ZNF827: variants seen among roughly 807,000 people sequenced by gnomAD.
ZNF827 encodes zinc finger protein 827.
A neutral mutation model predicts 102.4 loss-of-function variants in ZNF827; 13 were observed. The observed-to-expected ratio is 0.13, with a 90% confidence interval of 0.08 to 0.20. The LOEUF is 0.20. ZNF827 is among the 10% of genes least tolerant of loss of function. ZNF827 has a pLI of 1.00. For synonymous variants in ZNF827, 523 were observed against 536.2 expected, an observed-to-expected ratio of 0.98 and a Z score of 0.34; for missense variants, 1,103 against 1,344.4, an observed-to-expected ratio of 0.82 and a Z score of 2.81.
At chr4:145,810,264 G>C (rs1301297355) in intron 8 of ZNF827, among the ~76,000 whole-genome samples, 1 of 152,092 alleles carries the variant, frequency 6.6e-6, no homozygotes, top group African/African-American at 2.4e-5. Flanking sequence ...CTGGTTAGGG[G>C]AGCTTACTGA....
intron 4 of ZNF827, 115 bp from the exon 5 acceptor site, chr4:145,870,593 G>C (rs1018787436): frequency 1.1e-6 from 1 of 890,950 alleles, no homozygotes; most frequent in Non-Finnish European, 1.7e-6. Flanking sequence ...CAACCGGAGG[G>C]ATCACAACCT....
intron 8 of ZNF827, among the ~76,000 whole-genome samples, chr4:145,799,603 C>T (rs1740688413): frequency 6.6e-6 from 1 of 152,170 alleles, no homozygotes; most frequent in Admixed American, 6.5e-5. Flanking sequence ...AGCTGCCCTC[C>T]AACATCCATA....
At chr4:145,937,221 C>T (rs1310549512) in intron 1 of ZNF827, among the ~76,000 whole-genome samples, 1 of 150,842 alleles carries the variant, frequency 6.6e-6, no homozygotes, top group Admixed American at 6.6e-5. Flanking sequence ...GGAGAGGGAC[C>T]GGGGGCGCGG....
At chr4:145,919,852 T>C (rs1291915803) in intron 1 of ZNF827, among the ~76,000 whole-genome samples, 3 of 152,164 alleles carry the variant, frequency 2.0e-5, no homozygotes, top group Admixed American at 1.3e-4. Flanking sequence ...ATTGGTGAAA[T>C]AGGGCCACAA....
intron 8 of ZNF827, among the ~76,000 whole-genome samples, chr4:145,812,230 C>T (rs898173420): frequency 2.6e-5 from 4 of 152,100 alleles, no homozygotes; most frequent in Middle Eastern, 3.4e-3. Flanking sequence ...CAGACCAACT[C>T]CAAGCTTTTT....
Position 145,938,511 on chromosome 4 carries a change from GGGC to G in ZNF827, c.-107_-105del. On this transcript the variant is annotated 5_prime_UTR_variant, in exon 1 of 15. Transcript: ENST00000508784. ...TGGCAGGAGCGGGGAGGTAGTTGGG[GGGC>G]GGGCGGGCGGGCAGGGGGAAACCCC... 7.7e-6 allele frequency: 2 copies of G among 259,846 alleles called. No individual in the cohort carries two copies. The highest frequency in any genetic ancestry group is 3.7e-5 in the South Asian group (1 of 27,152). 16.1% of individuals were successfully genotyped at this position (259,846 alleles called of 1,614,324 possible). A position where few individuals can be genotyped will look rare whatever the true frequency, so the allele number is the denominator to read the frequency against.
At chr4:145,771,796 C>G (rs1032513259) in intron 11 of ZNF827, among the ~76,000 whole-genome samples, 12 of 152,176 alleles carry the variant, frequency 7.9e-5, no homozygotes, top group African/African-American at 2.9e-4. Context: ...TCCTGTAGAT[C>G]ACAACTTCAC....
chr4:145,882,390 T>G (rs1422455602), intron 4 of ZNF827, among the ~76,000 whole-genome samples: 3 of 152,208 alleles, frequency 2.0e-5, no homozygotes, highest in Admixed American at 6.5e-5. Context: ...GCCTCCGTTT[T>G]GCAAGCAGCA....
At chr4:145,807,182 C>T (rs1459779585) in intron 8 of ZNF827, among the ~76,000 whole-genome samples, 2 of 152,144 alleles carry the variant, frequency 1.3e-5, no homozygotes, top group South Asian at 2.1e-4. Flanking sequence ...GTTGTTTACA[C>T]AAGATTGTTG....
chr4:145,891,949 T>C (rs961892386), intron 3 of ZNF827, among the ~76,000 whole-genome samples: 3 of 152,184 alleles, frequency 2.0e-5, no homozygotes, highest in African/African-American at 7.2e-5. Flanking sequence ...CCCCAAGAAA[T>C]GCGTCAGCAC....
chr4:145,867,178 T>G (rs776946820), intron 5 of ZNF827, among the ~76,000 whole-genome samples: 1 of 152,226 alleles, frequency 6.6e-6, no homozygotes, highest in Non-Finnish European at 1.5e-5. Flanking sequence ...GCTTTCTTTA[T>G]GGCAATCAAT....
chr4:145,785,506 T>G (rs1287842945), intron 8 of ZNF827, among the ~76,000 whole-genome samples: 2 of 152,148 alleles, frequency 1.3e-5, no homozygotes, highest in Admixed American at 1.3e-4. Context: ...AAATGAAGCA[T>G]TATATTCCAG....
intron 4 of ZNF827, among the ~76,000 whole-genome samples, chr4:145,875,056 A>G (rs1423032835): frequency 1.3e-5 from 2 of 152,214 alleles, no homozygotes; most frequent in Non-Finnish European, 2.9e-5. Context: ...ATTCTAGGAA[A>G]TTACTGTATA....
chr4:145,880,167 G>A (rs1024421169), intron 4 of ZNF827, among the ~76,000 whole-genome samples: 2 of 152,130 alleles, frequency 1.3e-5, no homozygotes, highest in Admixed American at 6.5e-5. Flanking sequence ...CCCGGGAGGC[G>A]GATGTTTCAG....
chr4:145,803,903 T>C (rs1194058596), intron 8 of ZNF827, among the ~76,000 whole-genome samples: 4 of 148,984 alleles, frequency 2.7e-5, no homozygotes. Context: ...TCAAAATGGA[T>C]GTAGTTTACC....
At chr4:145,937,829 T>C (rs1754328639) in intron 1 of ZNF827, among the ~76,000 whole-genome samples, 1 of 150,120 alleles carries the variant, frequency 6.7e-6, no homozygotes, top group African/African-American at 2.5e-5. Flanking sequence ...CCCTGGATCC[T>C]GTACCCGGCG....
chr4:145,846,050 T>C, intron 6 of ZNF827, 37 bp from the exon 7 acceptor site: 2 of 1,603,828 alleles, frequency 1.2e-6, no homozygotes, highest in Non-Finnish European at 1.7e-6. Flanking sequence ...ACCTCTTAGG[T>C]TGTTCTCACT....
intron 1 of ZNF827, among the ~76,000 whole-genome samples, chr4:145,929,703 A>C (rs1464699033): frequency 1.3e-5 from 2 of 152,352 alleles, no homozygotes; most frequent in Admixed American, 1.3e-4. Context: ...AAATACCTGT[A>C]ATCTATTCAC....
chr4:145,856,431 G>A (rs535408206), intron 5 of ZNF827, among the ~76,000 whole-genome samples: 199 of 152,282 alleles, frequency 1.3e-3, no homozygotes, highest in Non-Finnish European at 1.7e-3. Flanking sequence ...GCTCTGAGGA[G>A]TGAACTCCAA....
Sources: gnomAD v4.1 joint callset for allele counts (sites outside exome capture counted in the v4.1 genomes callset) on GRCh38, gnomAD v4.1.1 for gene constraint, MANE v1.5 for transcripts, NCBI Gene and HGNC (gene_info 2026-07-23, HGNC 2026-07-21) for gene names.